Variants in SANBR observed in about 807,000 individuals in gnomAD.
SANBR encodes SANT and BTB domain regulator of CSR, also known as SANT and BTB domain regulator of class switch recombination.
A neutral mutation model predicts 101.8 loss-of-function variants in SANBR; 77 were observed. The ratio of observed to expected loss-of-function variants is 0.76; its 90% CI spans 0.63 to 0.91. The LOEUF is 0.91. Ranked by LOEUF, SANBR falls within the 40% of genes least tolerant of loss-of-function variation. The pLI is 0.00. For synonymous variants in SANBR, 279 were observed against 274.7 expected (o/e 1.02, Z -0.15); for missense variants, 875 against 853.0 (o/e 1.03, Z -0.32).
At chr2:61,112,399 TA>T (rs1683872466) in intron 16 of SANBR, among the ~76,000 whole-genome samples, 1 of 152,246 alleles carries the variant, frequency 6.6e-6, no homozygotes, top group African/African-American at 2.4e-5. Flanking sequence ...TATTGAATTG[TA>T]AGATTTCTTT....
intron 16 of SANBR, among the ~76,000 whole-genome samples, chr2:61,114,298 C>A (rs537221859): frequency 1.3e-5 from 2 of 152,100 alleles, no homozygotes; most frequent in African/African-American, 2.4e-5. Flanking sequence ...ACACATTAAA[C>A]GACAAAAGTC....
At chr2:61,109,947 T>C (rs2104945793) in intron 16 of SANBR, among the ~76,000 whole-genome samples, 1 of 151,980 alleles carries the variant, frequency 6.6e-6, no homozygotes, top group Non-Finnish European at 1.5e-5. Context: ...GCCACTGTGC[T>C]CGGCCGAGAG....
intron 3 of SANBR, 25 bp downstream of exon 3, chr2:61,070,525 T>A: frequency 1.3e-6 from 2 of 1,588,548 alleles, no homozygotes; most frequent in Non-Finnish European, 8.5e-7. Flanking sequence ...CCCCAGAATA[T>A]CTCCTGAAAA....
At chr2:61,102,365 CAAAAAAAA>C (rs35795015) in intron 12 of SANBR, among the ~76,000 whole-genome samples, 5 of 59,446 alleles carry the variant, frequency 8.4e-5, no homozygotes, top group Admixed American at 4.5e-4. Flanking sequence ...GACTGTGTCT[CAAAAAAAA>C]AAAAAAAAAA....
intron 4 of SANBR, among the ~76,000 whole-genome samples, chr2:61,072,181 C>T (rs376116878): frequency 2.6e-5 from 4 of 152,160 alleles, no homozygotes; most frequent in East Asian, 1.9e-4. Flanking sequence ...TCAGGCCATC[C>T]GTCCGCCTCA....
At chr2:61,110,875 G>A (rs1277614156) in intron 16 of SANBR, among the ~76,000 whole-genome samples, 1 of 151,710 alleles carries the variant, frequency 6.6e-6, no homozygotes, top group African/African-American at 2.4e-5. Context: ...AAAGAAGATT[G>A]TAAGTTAGAT....
chr2:61,116,781 G>A (rs905665319), intron 17 of SANBR, among the ~76,000 whole-genome samples: 1 of 152,128 alleles, frequency 6.6e-6, no homozygotes, highest in Non-Finnish European at 1.5e-5. Context: ...GGCTGGGCAT[G>A]ATCACTCATG....
intron 17 of SANBR, among the ~76,000 whole-genome samples, chr2:61,116,569 G>T (rs1247967087): frequency 1.3e-5 from 2 of 152,030 alleles, no homozygotes; most frequent in African/African-American, 2.4e-5. Context: ...TTTGAAGGAA[G>T]GGGTAAAAAA....
intron 5 of SANBR, among the ~76,000 whole-genome samples, chr2:61,074,502 A>C (rs1472590763): frequency 2.0e-5 from 3 of 152,180 alleles, no homozygotes; most frequent in African/African-American, 7.2e-5. Context: ...TCTGCCTCCT[A>C]GGCTCAGGCA....
chr2:61,106,126 C>A lies in SANBR; in HGVS notation c.1512-437C>A, dbSNP rs149627162. Among the ~76,000 whole-genome samples the A allele has an allele frequency of 2.8e-3, 420 of 152,194 alleles. 1 individual carries two copies. Among genetic ancestry groups the A allele is most frequent in the African/African-American group, 8.5e-3 (353 of 41,536 alleles). The stretch of plus-strand genomic sequence containing the variant: ...TGTCATCGTTGGCTGGGCGCGGTGG[C>A]TCACACCTGTAATCCCAGCATTTTG... On this transcript the variant is annotated intron_variant, in intron 13 of 21. Coordinates refer to ENST00000402291, the MANE Select transcript of SANBR (RefSeq NM_001129993.3).
intron 16 of SANBR, among the ~76,000 whole-genome samples, chr2:61,114,457 AC>A (rs913620503): frequency 1.2e-4 from 18 of 152,122 alleles, no homozygotes; most frequent in Admixed American, 8.5e-4. Context: ...TATGTTAATT[AC>A]CCTTGCTATA....
intron 6 of SANBR, among the ~76,000 whole-genome samples, chr2:61,078,713 C>T (rs1215597468): frequency 5.3e-5 from 8 of 152,092 alleles, no homozygotes; most frequent in South Asian, 2.1e-4. Context: ...TGAGCCACGG[C>T]GCCCGACCTA....
chr2:61,084,493 C>T (rs1360193433), intron 8 of SANBR, among the ~76,000 whole-genome samples: 3 of 151,924 alleles, frequency 2.0e-5, no homozygotes, highest in Non-Finnish European at 4.4e-5. Context: ...AGCTGTAGGG[C>T]ACTACTATTA....
At chr2:61,085,793 G>A (rs934874207) in intron 8 of SANBR, among the ~76,000 whole-genome samples, 1 of 151,842 alleles carries the variant, frequency 6.6e-6, no homozygotes, top group Admixed American at 6.6e-5. Flanking sequence ...TTACAGACGT[G>A]AGCCACCACA....
Position 61,088,350 on chromosome 2 carries a change from G to A in SANBR, c.978-8G>A. 6.3e-7 allele frequency: 1 copy of A among 1,577,368 alleles called. No homozygotes were observed. Among genetic ancestry groups the A allele is most frequent in the Admixed American group, 1.9e-5 (1 of 52,930 alleles). Reference sequence around the variant, plus strand: ...CCTGGATGTTTTTTGTATCTTCTTTGTTTATAGATGCTGTTTGTGTAAGAA... The same window carrying A: ...CCTGGATGTTTTTTGTATCTTCTTTATTTATAGATGCTGTTTGTGTAAGAA... On this transcript the variant is annotated splice_region_variant and splice_polypyrimidine_tract_variant and intron_variant, in intron 9 of 21. Coordinates refer to ENST00000402291, the MANE Select transcript of SANBR (RefSeq NM_001129993.3).
chr2:61,066,731 TAAG>T (rs1681193280), intron 1 of SANBR, among the ~76,000 whole-genome samples: 1 of 152,030 alleles, frequency 6.6e-6, no homozygotes, highest in African/African-American at 2.4e-5. Context: ...CTATTTGAAA[TAAG>T]AAAAAAATAT....
chr2:61,104,429 C>G (rs996487041), intron 13 of SANBR, among the ~76,000 whole-genome samples: 2 of 151,112 alleles, frequency 1.3e-5, no homozygotes, highest in African/African-American at 4.9e-5. Flanking sequence ...TGGCAGTGAG[C>G]CAAGATCGTG....
At chr2:61,119,644 C>T (rs1684242298) in intron 20 of SANBR, among the ~76,000 whole-genome samples, 1 of 152,108 alleles carries the variant, frequency 6.6e-6, no homozygotes. Flanking sequence ...CATCATTAGT[C>T]CTTAGGGAAA....
chr2:61,092,884 A>G (rs1206289001), intron 11 of SANBR, among the ~76,000 whole-genome samples: 1 of 152,122 alleles, frequency 6.6e-6, no homozygotes, highest in Non-Finnish European at 1.5e-5. Context: ...CTCTAATTCC[A>G]GCACTTTGGG....
Sources: allele counts gnomAD v4.1 joint callset (sites outside exome capture counted in the v4.1 genomes callset), GRCh38; gene constraint gnomAD v4.1.1; transcripts MANE v1.5; gene names NCBI Gene and HGNC (gene_info 2026-07-23, HGNC 2026-07-21).